RAB27B: variants seen among roughly 807,000 people sequenced by gnomAD.
RAB27B encodes RAB27B, member RAS oncogene family.
Under a neutral mutation model 24.6 loss-of-function variants are expected in RAB27B, and 15 were observed. The ratio of observed to expected loss-of-function variants is 0.61; its 90% confidence interval spans 0.41 to 0.94. The LOEUF (loss-of-function observed/expected upper bound fraction) is 0.94. RAB27B is among the 40% of genes least tolerant of loss of function. The pLI, the probability that RAB27B is intolerant of heterozygous loss-of-function variation, is 0.00. For synonymous variants in RAB27B, 105 were observed against 92.5 expected (o/e 1.14, Z -0.78); for missense variants, 261 against 266.8 (o/e 0.98, Z 0.15).
chr18:54,782,877 A>C (rs1908959017), intron 2 of RAB27B, among the ~76,000 whole-genome samples: 1 of 152,232 alleles, frequency 6.6e-6, no homozygotes. Flanking sequence ...CCTGTACAAA[A>C]ACAGAAAAAA....
At chr18:54,730,843 C>G (rs556232664) in intron 2 of RAB27B, among the ~76,000 whole-genome samples, 106 of 152,290 alleles carry the variant, frequency 7.0e-4, no homozygotes, top group African/African-American at 2.3e-3. Flanking sequence ...ATAAATTACC[C>G]AGTCTCAGAT....
intron 2 of RAB27B, among the ~76,000 whole-genome samples, chr18:54,756,402 A>T (rs954451487): frequency 1.9e-4 from 29 of 152,144 alleles, no homozygotes; most frequent in Admixed American, 1.6e-3. Flanking sequence ...CTCAACATTG[A>T]TATCCTGACT....
intron 1 of RAB27B, among the ~76,000 whole-genome samples, chr18:54,852,320 G>GC (rs1911619371): frequency 6.6e-6 from 1 of 152,088 alleles, no homozygotes; most frequent in African/African-American, 2.4e-5. Flanking sequence ...AATTGTTCAA[G>GC]CCACATAGCT....
At chr18:54,853,970 A>G (rs1171941574) in intron 1 of RAB27B, among the ~76,000 whole-genome samples, 2 of 152,100 alleles carry the variant, frequency 1.3e-5, no homozygotes, top group African/African-American at 2.4e-5. Flanking sequence ...TAACTTCCAG[A>G]TGAACAATTT....
At chr18:54,810,833 AAAATAAATAAATAAAT>A (rs74180479) in intron 2 of RAB27B, among the ~76,000 whole-genome samples, 2,719 of 140,206 alleles carry the variant, frequency 0.019, 27 homozygotes, top group Non-Finnish European at 0.026. Flanking sequence ...ACCCTGTCTC[AAAATAAATAAATAAAT>A]AAATAAATAA....
chr18:54,820,448 C>T (rs993373909), intron 2 of RAB27B, among the ~76,000 whole-genome samples: 15 of 152,126 alleles, frequency 9.9e-5, no homozygotes, highest in Admixed American at 9.8e-4. Flanking sequence ...ATATCGTTTG[C>T]CCACTTTTTG....
At chr18:54,746,026 G>A (rs1024024724) in intron 2 of RAB27B, among the ~76,000 whole-genome samples, 5 of 151,978 alleles carry the variant, frequency 3.3e-5, no homozygotes, top group African/African-American at 1.2e-4. Context: ...AACTGAGAAG[G>A]GAGGCGGTCT....
intron 2 of RAB27B, among the ~76,000 whole-genome samples, chr18:54,733,969 A>T (rs566662662): frequency 1.3e-5 from 2 of 152,318 alleles, no homozygotes; most frequent in South Asian, 4.1e-4. Flanking sequence ...TGAGTGAGTC[A>T]GTGACACTTA....
intron 1 of RAB27B, among the ~76,000 whole-genome samples, chr18:54,856,241 A>T (rs977393522): frequency 7.2e-5 from 11 of 152,236 alleles, no homozygotes; most frequent in African/African-American, 2.4e-4. Context: ...CAGCTTATGA[A>T]AGTCGGGGAG....
intron 1 of RAB27B, 39 bp from the exon 2 acceptor site, chr18:54,877,528 C>A (rs1912750461): frequency 7.6e-7 from 1 of 1,313,544 alleles, no homozygotes; most frequent in Non-Finnish European, 9.9e-7. Context: ...GGAAAATCAA[C>A]TTTAATCAAA....
chr18:54,746,165 A>C (rs1910241756), intron 2 of RAB27B, among the ~76,000 whole-genome samples: 2 of 152,290 alleles, frequency 1.3e-5, no homozygotes, highest in South Asian at 4.1e-4. Flanking sequence ...ATTAGTAGGG[A>C]TTCCCTCTAA....
At chr18:54,730,667 C>G (rs1470825604) in intron 2 of RAB27B, among the ~76,000 whole-genome samples, 1 of 151,916 alleles carries the variant, frequency 6.6e-6, no homozygotes, top group East Asian at 1.9e-4. Flanking sequence ...GAGCCTGACT[C>G]CTCCTCCTCA....
In RAB27B at chr18:54,782,349, C is replaced by T. The variant is rs551829942; in HGVS notation, c.-20+64208C>T. 1.1e-4 allele frequency among the ~76,000 whole-genome samples: 17 copies of T among 152,246 alleles called. No homozygotes were observed. In the South Asian group the frequency reaches 2.5e-3, roughly 22 times the overall value. On this transcript the variant is annotated intron_variant, in intron 2 of 4. Transcript: ENST00000586570. ...TTAGCACAGACTTGGAAAATTTAAT[C>T]GTAAAGCCAAATAGTATGGTTGCAA... is the stretch of plus-strand genomic sequence containing the variant.
chr18:54,861,662 C>T (rs1471823262), intron 1 of RAB27B, among the ~76,000 whole-genome samples: 1 of 152,158 alleles, frequency 6.6e-6, no homozygotes, highest in Admixed American at 6.5e-5. Context: ...CTTCTTAACC[C>T]TGGCTACATG....
rs574788767 is a variant in RAB27B at position 54,808,127 on chromosome 18, C to T, written c.-19-69440C>T. Among the ~76,000 whole-genome samples, 208 of 152,266 alleles carry T rather than the reference C, an allele frequency of 1.4e-3. 1 individual carries two copies. The highest frequency in any genetic ancestry group is 3.4e-3 in the Middle Eastern group (1 of 294). ...ATAATTTTGAAAATTAAGTTTTGTT[C>T]ATTGTTTACTGCTTAAGATTCTACA... On this transcript the variant is annotated intron_variant, in intron 2 of 4. Coordinates refer to the RAB27B transcript ENST00000586570.
Position 54,860,027 on chromosome 18 carries a change from T to C in RAB27B, c.-19-17540T>C, listed in dbSNP as rs78964336. Among the ~76,000 whole-genome samples the C allele has an allele frequency of 2.0e-5, 3 of 152,202 alleles. No individual in the cohort carries two copies. In the East Asian group the frequency reaches 5.8e-4, roughly 29 times the overall value. On this transcript the variant is annotated intron_variant, in intron 1 of 5. Transcript: ENST00000262094. ...ATGAAGTTGGTGACTTCAATTAGGCTAGTAAGTAGCCTATAATAATTGATT... is the reference window on the plus strand; with the variant it reads ...ATGAAGTTGGTGACTTCAATTAGGCCAGTAAGTAGCCTATAATAATTGATT...
At chr18:54,788,153 A>C (rs1433712377) in intron 2 of RAB27B, among the ~76,000 whole-genome samples, 1 of 152,234 alleles carries the variant, frequency 6.6e-6, no homozygotes, top group Admixed American at 6.5e-5. Flanking sequence ...GAATTTATAC[A>C]AACTCAAATG....
chr18:54,777,868 C>A lies in RAB27B; in HGVS notation c.-20+59727C>A, dbSNP rs200032989. ...TAGAGTGGCATCCTCTCTCCCCCCC[C>A]ACCCCTTCTTTTTTATTTCTCTTCT... On this transcript the variant is annotated intron_variant, in intron 2 of 4. Transcript: ENST00000586570. Among the ~76,000 whole-genome samples the A allele has an allele frequency of 6.2e-4, 86 of 139,758 alleles. 1 individual carries two copies. The South Asian group carries it at 0.014, about 23-fold the overall frequency. The allele number at this position is 139,758 out of a possible 152,430, so 91.7% of individuals were successfully genotyped here.
intron 2 of RAB27B, among the ~76,000 whole-genome samples, chr18:54,744,225 A>AAT (rs1373232720): frequency 6.6e-6 from 1 of 152,172 alleles, no homozygotes; most frequent in African/African-American, 2.4e-5. Flanking sequence ...TTGGATGCTT[A>AAT]ATATTTCTTC....
Sources: gnomAD v4.1 joint callset for allele counts (sites outside exome capture counted in the v4.1 genomes callset) on GRCh38, gnomAD v4.1.1 for gene constraint, MANE v1.5 for transcripts, NCBI Gene and HGNC (gene_info 2026-07-23, HGNC 2026-07-21) for gene names.